The following TULP3 variants were observed in gnomAD, a reference collection of about 807,000 sequenced individuals.
TULP3 encodes tubby-related protein 3.
Under a neutral mutation model 50.7 loss-of-function variants are expected in TULP3, and 38 were observed. The observed-to-expected ratio is 0.75, with a 90% CI of 0.58 to 0.98. The LOEUF (loss-of-function observed/expected upper bound fraction) is 0.98, where lower values mean the gene tolerates loss of function less well. Ranked by LOEUF, TULP3 falls within the 50% of genes least tolerant of loss-of-function variation. The pLI is 0.00. For synonymous variants in TULP3, 183 were observed against 196.6 expected (o/e 0.93, Z 0.58); for missense variants, 550 against 568.0 (o/e 0.97, Z 0.32).
Position 2,911,299 on chromosome 12 carries a change from G to C in TULP3, c.93+1719G>C, listed in dbSNP as rs112849603. ...AAAACATCTCTCTCTGCTTGGCTCA[G>C]TTCTTTATCAGTGGCTATCACTGAC... is the stretch of plus-strand genomic sequence containing the variant. On this transcript the variant is annotated intron_variant, in intron 2 of 10. Transcript: ENST00000448120. Among the ~76,000 whole-genome samples the C allele has an allele frequency of 8.6e-5, 13 of 151,822 alleles. No individual in the cohort carries two copies. In the East Asian group the frequency reaches 1.9e-3, roughly 23 times the overall value.
At chr12:2,893,501 A>G (rs753204563) in intron 1 of TULP3, among the ~76,000 whole-genome samples, 1 of 151,372 alleles carries the variant, frequency 6.6e-6, no homozygotes, top group South Asian at 2.1e-4. Flanking sequence ...TTATATTTTT[A>G]GTAGAGAGGG....
Position 2,940,940 on chromosome 12 carries a change from A to C in TULP3, c.*1496A>C. 4 of 559,816 alleles carry C rather than the reference A, an allele frequency of 7.1e-6. No individual in the cohort carries two copies. Among genetic ancestry groups the C allele is most frequent in the Middle Eastern group, 3.3e-4 (1 of 3,046 alleles). The allele number at this position is 559,816 out of a possible 1,614,324, so 34.7% of individuals were successfully genotyped here. On this transcript the variant is annotated 3_prime_UTR_variant, in exon 11 of 11. Transcript: ENST00000448120. ...GGCAGATAACCCTGGTTGGCCACAG[A>C]AGCTATTAATACACGACAGCATGTG...
chr12:2,897,574 C>G (rs963338589), intron 1 of TULP3, among the ~76,000 whole-genome samples: 7 of 151,722 alleles, frequency 4.6e-5, no homozygotes, highest in African/African-American at 1.7e-4. Context: ...AGCTCAAGAC[C>G]AGCCTGGGCA....
chr12:2,911,587 G>A (rs1166668972), intron 2 of TULP3, among the ~76,000 whole-genome samples: 1 of 144,552 alleles, frequency 6.9e-6, no homozygotes, highest in Admixed American at 7.3e-5. Flanking sequence ...GGATGGTCTC[G>A]AACTCCTGAC....
chr12:2,927,236 T>C (rs1330361266), intron 4 of TULP3, among the ~76,000 whole-genome samples: 1 of 152,212 alleles, frequency 6.6e-6, no homozygotes, highest in Non-Finnish European at 1.5e-5. Context: ...TAACACTCCA[T>C]TGTATGGATA....
chr12:2,897,910 C>G (rs1336320596), intron 1 of TULP3, among the ~76,000 whole-genome samples: 1 of 151,468 alleles, frequency 6.6e-6, no homozygotes, highest in Non-Finnish European at 1.5e-5. Context: ...GAAACCCTGT[C>G]TCTACTAAAA....
chr12:2,926,470 G>C (rs1410131815), intron 4 of TULP3, among the ~76,000 whole-genome samples: 1 of 152,218 alleles, frequency 6.6e-6, no homozygotes, highest in Non-Finnish European at 1.5e-5. Flanking sequence ...GGGCAACAGA[G>C]TGAAACCCTG....
intron 1 of TULP3, among the ~76,000 whole-genome samples, chr12:2,894,536 AAAAC>A (rs970622022): frequency 3.5e-4 from 17 of 48,420 alleles, no homozygotes; most frequent in African/African-American, 1.1e-3. Flanking sequence ...CTCCGTCTCA[AAAAC>A]ACACACACAC....
At chr12:2,909,935 A>C (rs375642920) in intron 2 of TULP3, among the ~76,000 whole-genome samples, 1 of 152,340 alleles carries the variant, frequency 6.6e-6, no homozygotes. Context: ...CATTTCACTT[A>C]ACTGCAAGAT....
intron 9 of TULP3, among the ~76,000 whole-genome samples, 180 bp from the exon 10 acceptor site, chr12:2,937,934 T>G (rs2098202415): frequency 6.6e-6 from 1 of 152,176 alleles, no homozygotes; most frequent in African/African-American, 2.4e-5. Flanking sequence ...CCATTTTTTC[T>G]ACAAAGAGAA....
Position 2,922,355 on chromosome 12 carries a change from T to A in TULP3, c.347T>A (p.Val116Glu). 1 of 1,614,126 alleles carries A rather than the reference T, an allele frequency of 6.2e-7. No individual in the cohort carries two copies. The highest frequency in any genetic ancestry group is 8.5e-7 in the Non-Finnish European group (1 of 1,180,024). ...GTGGAAGAAGATGCTGAAAACACCG[T>A]GGATACTGCTTCCAAGCCAGGACTT... ...SVVEEDAENT[V>E]DTASKPGLQE... Residue 116 changes from valine to glutamate, a missense_variant, in exon 4 of 11, where the codon GTG becomes GAG. Coordinates refer to ENST00000448120, the MANE Select transcript of TULP3 (RefSeq NM_003324.5).
At position 2,922,255 on chromosome 12, in the gene TULP3, C is replaced by T. The variant is rs775630375; in HGVS notation, c.254-7C>T. ...TTTTTTAAAATTCATTTTATTTTGG[C>T]CCTTAGGTATTGATGGTCCAGCTGC... On this transcript the variant is annotated splice_region_variant and splice_polypyrimidine_tract_variant and intron_variant, in intron 3 of 10. Transcript: ENST00000448120. 6.2e-7 allele frequency: 1 copy of T among 1,606,106 alleles called. No homozygotes were observed. The highest frequency in any genetic ancestry group is 1.3e-5 in the African/African-American group (1 of 74,520).
chr12:2,894,281 A>G (rs949801818), intron 1 of TULP3, among the ~76,000 whole-genome samples: 3 of 26,166 alleles, frequency 1.1e-4, no homozygotes, highest in Non-Finnish European at 2.2e-4. Flanking sequence ...TGGGAGGCCG[A>G]GATGGCGGGG....
Position 2,930,251 on chromosome 12 carries a change from T to C in TULP3, c.398T>C (p.Ile133Thr), listed in dbSNP as rs1380728122. 3 of 1,609,954 alleles carry C rather than the reference T, an allele frequency of 1.9e-6. No individual in the cohort carries two copies. The South Asian group carries it at 3.3e-5, about 18-fold the overall frequency. The change falls in exon 5 of 11, where the codon ATC becomes ACC. Residue 133 changes from isoleucine to threonine, a missense_variant. Transcript: ENST00000448120. The stretch of plus-strand genomic sequence containing the variant: ...ACAGTTCTTCCTTTTCTGCTAGATA[T>C]CTCTGAAAGTGTGAACTTCGATGAG... ...GLQERLQKHD[I>T]SESVNFDEET...
intron 1 of TULP3, among the ~76,000 whole-genome samples, chr12:2,906,529 A>G (rs2098182346): frequency 6.6e-6 from 1 of 151,008 alleles, no homozygotes; most frequent in Admixed American, 6.6e-5. Flanking sequence ...GAGTTTCACC[A>G]TGTTGGCCAG....
intron 1 of TULP3, among the ~76,000 whole-genome samples, chr12:2,904,639 T>C (rs112967856): frequency 2.6e-5 from 4 of 152,344 alleles, no homozygotes; most frequent in Admixed American, 2.6e-4. Flanking sequence ...TTCCCCTGTT[T>C]GTACCAAGAA....
rs1330615881 is a variant in TULP3 at position 2,920,645 on chromosome 12, GA to G, written c.94-112del. The G allele has an allele frequency of 3.6e-5, 47 of 1,302,846 alleles. No homozygotes were observed. In the African/African-American group the frequency reaches 6.1e-4, roughly 17 times the overall value. 80.7% of individuals were successfully genotyped at this position (1,302,846 alleles called of 1,614,324 possible). A position where few individuals can be genotyped will look rare whatever the true frequency, so the allele number is the denominator to read the frequency against. On this transcript the variant is annotated intron_variant, in intron 2 of 10. Transcript: ENST00000448120. ...TCAGTTTTCCCATTTCTTAAATGGG[GA>G]AAAAATAATTTACAAGATGTTTTGT...
chr12:2,932,629 C>A (rs1008061580), intron 6 of TULP3, among the ~76,000 whole-genome samples: 1 of 148,586 alleles, frequency 6.7e-6, no homozygotes, highest in East Asian at 2.0e-4. Context: ...GGAAGGTTTT[C>A]AGGATCCTGT....
Position 2,938,211 on chromosome 12 carries a change from C to A in TULP3, c.1121C>A (p.Ser374Tyr). 6.2e-7 allele frequency: 1 copy of A among 1,614,150 alleles called. No individual in the cohort carries two copies. Among genetic ancestry groups the A allele is most frequent in the Non-Finnish European group, 8.5e-7 (1 of 1,180,026 alleles). ...CCCGTCTGGAACAGTGACACTCAGTCCTATGTCCTCAACTTCCGTGGCCGG... is the reference window on the plus strand; with the variant it reads ...CCCGTCTGGAACAGTGACACTCAGTACTATGTCCTCAACTTCCGTGGCCGG... ...KAPVWNSDTQ[S>Y]YVLNFRGRVT... Residue 374 changes from serine (S) to tyrosine (Y), a missense_variant, in exon 10 of 11, where the codon TCC becomes TAC. Coordinates refer to ENST00000448120, the MANE Select transcript of TULP3 (RefSeq NM_003324.5).
Sources: gnomAD v4.1 joint callset for allele counts (sites outside exome capture counted in the v4.1 genomes callset) on GRCh38, gnomAD v4.1.1 for gene constraint, MANE v1.5 for transcripts, NCBI Gene and HGNC (gene_info 2026-07-23, HGNC 2026-07-21) for gene names.